Variants in ERCC6L2 observed in about 807,000 individuals in gnomAD.
ERCC6L2 encodes ERCC excision repair 6 like 2, also known as DNA excision repair protein ERCC-6-like 2.
A neutral mutation model predicts 132.0 loss-of-function variants in ERCC6L2; 77 were observed. That is an observed-to-expected ratio of 0.58 (90% CI 0.49 to 0.71). The LOEUF (loss-of-function observed/expected upper bound fraction) is 0.71, where lower values mean the gene tolerates loss of function less well. Among genes scored for constraint, ERCC6L2 ranks in the 30% least tolerant of loss-of-function variants. The pLI is 0.00. For missense variants in ERCC6L2, 1,542 were observed against 1,837.6 expected, an observed-to-expected ratio of 0.84 and a Z score of 2.94; for synonymous variants, 583 against 632.4, an observed-to-expected ratio of 0.92 and a Z score of 1.17.
chr9:95,887,994 A>T (rs1326907139), intron 2 of ERCC6L2, among the ~76,000 whole-genome samples: 2 of 151,882 alleles, frequency 1.3e-5, no homozygotes, highest in Non-Finnish European at 2.9e-5. Flanking sequence ...TTCTTTTGGC[A>T]TGTAGTTCTG....
intron 13 of ERCC6L2, among the ~76,000 whole-genome samples, chr9:95,963,147 CTGTGTG>C (rs34128119): frequency 0.23 from 33,425 of 148,470 alleles, 5,257 homozygotes; most frequent in African/African-American, 0.45. Flanking sequence ...GTCATCTCGT[CTGTGTG>C]TGTGTGTGTG....
intron 13 of ERCC6L2, among the ~76,000 whole-genome samples, chr9:95,965,739 A>G (rs968104325): frequency 1.3e-5 from 2 of 152,040 alleles, no homozygotes; most frequent in Non-Finnish European, 1.5e-5. Context: ...TCCTCAAATC[A>G]AGTGTTCCTC....
intron 11 of ERCC6L2, among the ~76,000 whole-genome samples, chr9:95,933,709 C>T (rs532988665): frequency 4.8e-4 from 73 of 151,814 alleles, no homozygotes; most frequent in African/African-American, 1.6e-3. Flanking sequence ...CCAGGTGCAG[C>T]GGTTCATGCC....
intron 11 of ERCC6L2, 35 bp downstream of exon 11, chr9:95,928,899 C>A: frequency 1.4e-6 from 2 of 1,400,044 alleles, no homozygotes; most frequent in Non-Finnish European, 1.9e-6. Flanking sequence ...AGATTTTTAT[C>A]CAATTGTTTT....
At chr9:96,021,389 G>A (rs1453077021), downstream of ERCC6L2, 1 of 290,344 alleles carries the variant, frequency 3.4e-6, no homozygotes. This position sits in a 1 kb window ranked among gnomAD's most constrained non-coding sequence, Gnocchi z 4.7. Context: ...AGTCCCTCCC[G>A]GGCAGGGAGC....
chr9:95,947,902 A>G (rs1831138843), intron 12 of ERCC6L2, among the ~76,000 whole-genome samples: 1 of 152,226 alleles, frequency 6.6e-6, no homozygotes, highest in African/African-American at 2.4e-5. Flanking sequence ...TTTCTTTCCA[A>G]ATATTAACTG....
intron 19 of ERCC6L2, among the ~76,000 whole-genome samples, chr9:96,026,466 C>T (rs780616240): frequency 1.3e-5 from 2 of 152,088 alleles, no homozygotes; most frequent in Non-Finnish European, 2.9e-5. Context: ...AGCGCGGAGT[C>T]TCTGGGTCAG....
At chr9:95,962,602 A>G (rs989277128) in intron 13 of ERCC6L2, among the ~76,000 whole-genome samples, 4 of 152,230 alleles carry the variant, frequency 2.6e-5, no homozygotes, top group Non-Finnish European at 4.4e-5. Flanking sequence ...AAAGCAATAT[A>G]CAGAACAATA....
intron 2 of ERCC6L2, among the ~76,000 whole-genome samples, chr9:95,887,013 A>G: frequency 6.6e-6 from 1 of 152,236 alleles, no homozygotes; most frequent in Non-Finnish European, 1.5e-5. Context: ...CTTGCTCTTC[A>G]GCCTGCAGAC....
intron 17 of ERCC6L2, among the ~76,000 whole-genome samples, chr9:95,995,773 T>A (rs1279161220): frequency 6.6e-6 from 1 of 152,230 alleles, no homozygotes; most frequent in African/African-American, 2.4e-5. Flanking sequence ...ATCACATGCA[T>A]GATCTTTGAT....
intron 13 of ERCC6L2, among the ~76,000 whole-genome samples, chr9:95,965,208 G>C (rs1026329987): frequency 1.3e-5 from 2 of 152,072 alleles, no homozygotes; most frequent in Non-Finnish European, 2.9e-5. Context: ...ATAAATTTTA[G>C]ATTCAGCCAA....
At chr9:95,877,506 T>TCAAG (rs756535602) in intron 1 of ERCC6L2, among the ~76,000 whole-genome samples, 30 of 152,188 alleles carry the variant, frequency 2.0e-4, no homozygotes, top group Non-Finnish European at 3.5e-4. Context: ...TCGCAAGATA[T>TCAAG]CAAGGATTTG....
chr9:96,030,309 A>T (rs1834438914), intron 19 of ERCC6L2, among the ~76,000 whole-genome samples: 2 of 152,172 alleles, frequency 1.3e-5, no homozygotes, highest in African/African-American at 4.8e-5. Context: ...CCACCCAGCC[A>T]GCAGCGGCAA....
chr9:96,031,333 G>A (rs1047381684), intron 19 of ERCC6L2, among the ~76,000 whole-genome samples: 2 of 152,160 alleles, frequency 1.3e-5, no homozygotes, highest in African/African-American at 2.4e-5. Context: ...ACAGTGGTCA[G>A]GGAAGGTCTC....
chr9:95,938,310 G>GA (rs925237342), intron 11 of ERCC6L2, among the ~76,000 whole-genome samples: 3 of 151,562 alleles, frequency 2.0e-5, no homozygotes, highest in African/African-American at 4.8e-5. Context: ...TAGGAACCAG[G>GA]AAAAAAAAGT....
intron 19 of ERCC6L2, among the ~76,000 whole-genome samples, chr9:96,035,873 C>A (rs2133271597): frequency 6.6e-6 from 1 of 152,224 alleles, no homozygotes; most frequent in South Asian, 2.1e-4. Context: ...CAGTGAGGAA[C>A]CCAGGAGAAG....
At chr9:95,990,241 A>T (rs188843103) in intron 17 of ERCC6L2, among the ~76,000 whole-genome samples, 63 of 152,346 alleles carry the variant, frequency 4.1e-4, no homozygotes, top group Non-Finnish European at 7.8e-4. Context: ...ATTTGCACTC[A>T]ACAGGTGGGG....
intron 12 of ERCC6L2, among the ~76,000 whole-genome samples, chr9:95,943,022 C>G (rs1397412555): frequency 6.6e-6 from 1 of 152,004 alleles, no homozygotes; most frequent in Non-Finnish European, 1.5e-5. Context: ...TTATAGGATT[C>G]TAGAATGACA....
chr9:95,925,325 G>A (rs1380995584), intron 9 of ERCC6L2, among the ~76,000 whole-genome samples: 2 of 152,108 alleles, frequency 1.3e-5, no homozygotes, highest in African/African-American at 2.4e-5. Flanking sequence ...ACTGTGGAGG[G>A]TGGAAAAAAA....
Sources: allele counts gnomAD v4.1 joint callset (sites outside exome capture counted in the v4.1 genomes callset), GRCh38; gene constraint gnomAD v4.1.1; non-coding constraint Gnocchi (gnomAD v3.1); transcripts MANE v1.5; gene names NCBI Gene and HGNC (gene_info 2026-07-23, HGNC 2026-07-21).